Variants in BICD1 observed in about 807,000 individuals in gnomAD.
BICD1 encodes BICD cargo adaptor 1, also known as protein bicaudal D homolog 1.
In BICD1, 35 loss-of-function variants were observed where a neutral mutation model predicts 92.5. The observed-to-expected ratio is 0.38, with a 90% CI of 0.29 to 0.50. BICD1 has a LOEUF of 0.50. BICD1 is among the 20% of genes least tolerant of loss of function. BICD1 has a pLI of 0.93. For missense variants in BICD1, 950 were observed against 1,189.8 expected, an observed-to-expected ratio of 0.80 and a Z score of 2.97; for synonymous variants, 429 against 465.1, an observed-to-expected ratio of 0.92 and a Z score of 1.00.
chr12:32,133,207 G>T (rs1032879587), intron 1 of BICD1, among the ~76,000 whole-genome samples: 6 of 152,040 alleles, frequency 3.9e-5, no homozygotes, highest in South Asian at 2.1e-4. Context: ...GAGTCTCCTG[G>T]CCAGGCGGGG....
chr12:32,231,699 A>T (rs1010863651), intron 2 of BICD1, among the ~76,000 whole-genome samples: 20 of 151,274 alleles, frequency 1.3e-4, no homozygotes, highest in Non-Finnish European at 2.5e-4. Context: ...CTAACTCATC[A>T]TCTAGCATTA....
intron 2 of BICD1, among the ~76,000 whole-genome samples, chr12:32,228,306 G>A (rs151203985): frequency 1.3e-5 from 2 of 152,270 alleles, no homozygotes; most frequent in East Asian, 3.9e-4. Context: ...CCATTGACTT[G>A]CCTTTGCACT....
At chr12:32,164,271 T>A (rs1943687757) in intron 1 of BICD1, among the ~76,000 whole-genome samples, 1 of 152,228 alleles carries the variant, frequency 6.6e-6, no homozygotes, top group African/African-American at 2.4e-5. Flanking sequence ...ATAGAATGTA[T>A]CTTGTTTACC....
intron 2 of BICD1, among the ~76,000 whole-genome samples, chr12:32,271,733 C>T (rs958830650): frequency 6.6e-6 from 1 of 152,232 alleles, no homozygotes; most frequent in African/African-American, 2.4e-5. Context: ...GGGTGACCCT[C>T]CTCAAACTTT....
chr12:32,108,621 A>G (rs1941581106), intron 1 of BICD1: 2 of 681,892 alleles, frequency 2.9e-6, no homozygotes, highest in Non-Finnish European at 5.3e-6. Flanking sequence ...TCAAAAATCT[A>G]TTATTTATTT....
intron 3 of BICD1, among the ~76,000 whole-genome samples, chr12:32,296,256 G>GTTTTTTT (rs373796519): frequency 1.1e-5 from 1 of 90,194 alleles, no homozygotes; most frequent in African/African-American, 3.8e-5. Context: ...GTTTTTTTTT[G>GTTTTTTT]TTTTTTTTTT....
chr12:32,111,603 T>C (rs1941694829), intron 1 of BICD1, among the ~76,000 whole-genome samples: 1 of 152,038 alleles, frequency 6.6e-6, no homozygotes, highest in Non-Finnish European at 1.5e-5. Context: ...TTTTTATTTT[T>C]TTATTTTATT....
chr12:32,297,127 G>C (rs1947896803), intron 3 of BICD1, among the ~76,000 whole-genome samples: 1 of 152,180 alleles, frequency 6.6e-6, no homozygotes. Flanking sequence ...AAAATGCTGT[G>C]TTTGTTTCCA....
chr12:32,356,906 G>T (rs7399249), intron 8 of BICD1, among the ~76,000 whole-genome samples: 5,417 of 151,928 alleles, frequency 0.036, 297 homozygotes, highest in East Asian at 0.16. Flanking sequence ...TTCCACTCCC[G>T]TCAGTTTAGT....
chr12:32,258,586 G>C (rs1166724620), intron 2 of BICD1, among the ~76,000 whole-genome samples: 1 of 151,916 alleles, frequency 6.6e-6, no homozygotes, highest in East Asian at 1.9e-4. Flanking sequence ...TGGGCGTGCT[G>C]ATATTTATCG....
At chr12:32,148,200 G>C (rs1211309834) in intron 1 of BICD1, among the ~76,000 whole-genome samples, 1 of 151,354 alleles carries the variant, frequency 6.6e-6, no homozygotes, top group Non-Finnish European at 1.5e-5. Context: ...TGCTAAGCAG[G>C]GGTGGGCACC....
At position 32,163,193 on chromosome 12, in the gene BICD1, G is replaced by A. The variant is rs1004700632; in HGVS notation, c.214-53054G>A. ...ACCTAAGCAACCCCAAATTGAGAAC[G>A]ATTTTCATTATAATAGATTTTCATA... On this transcript the variant is annotated intron_variant, in intron 1 of 9. Transcript: ENST00000652176. Among the ~76,000 whole-genome samples, 37 of 151,874 alleles carry A rather than the reference G, an allele frequency of 2.4e-4. 1 individual carries two copies. The highest frequency in any genetic ancestry group is 1.2e-4 in the Non-Finnish European group (8 of 67,972).
chr12:32,346,532 ACGTG>A (rs1403222609), intron 8 of BICD1, among the ~76,000 whole-genome samples: 3 of 53,790 alleles, frequency 5.6e-5, no homozygotes, highest in Non-Finnish European at 1.2e-4. Context: ...ATATATATAT[ACGTG>A]TATATATATA....
chr12:32,216,648 C>T (rs994437333), intron 2 of BICD1, among the ~76,000 whole-genome samples, 189 bp downstream of exon 2: 4 of 152,162 alleles, frequency 2.6e-5, no homozygotes, highest in African/African-American at 9.7e-5. Flanking sequence ...ATGAGCTTTT[C>T]TCTCTTTTAT....
intron 2 of BICD1, among the ~76,000 whole-genome samples, chr12:32,274,044 G>C (rs183807277): frequency 5.3e-5 from 8 of 152,350 alleles, no homozygotes; most frequent in African/African-American, 1.7e-4. Flanking sequence ...TCCGGGACCA[G>C]CAGTCCAGTT....
At chr12:32,187,834 T>G (rs1240136885) in intron 1 of BICD1, among the ~76,000 whole-genome samples, 1 of 152,238 alleles carries the variant, frequency 6.6e-6, no homozygotes, top group Admixed American at 6.5e-5. Context: ...ACACAATATA[T>G]CCATCTAACA....
At chr12:32,294,485 G>A (rs1947808854) in intron 3 of BICD1, among the ~76,000 whole-genome samples, 1 of 152,032 alleles carries the variant, frequency 6.6e-6, no homozygotes, top group African/African-American at 2.4e-5. Flanking sequence ...GCCGGGCATG[G>A]TGGTGTGTTC....
chr12:32,337,665 A>G lies in BICD1; in HGVS notation c.2419A>G (p.Ser807Gly), dbSNP rs146453819. Residue 807 changes from serine (S) to glycine (G), a missense_variant, in exon 7 of 10, where the codon AGC becomes GGC. Coordinates refer to ENST00000652176, the MANE Select transcript of BICD1 (RefSeq NM_001714.4). The surrounding 1 kb of genome is among the most constrained non-coding windows in gnomAD (Gnocchi z 4.7). The stretch of plus-strand genomic sequence containing the variant: ...GTTTGACCATGAGCAGTCCCGACGC[A>G]GCAAAGGCAAACTTGGAAAGAGCAA... ...LEFDHEQSRR[S>G]KGKLGKSKIG... The G allele has an allele frequency of 9.9e-6, 16 of 1,614,222 alleles. No homozygotes were observed. The African/African-American group carries it at 1.7e-4, about 17-fold the overall frequency.
chr12:32,338,343 G>T, intron 7 of BICD1: 1 of 173,460 alleles, frequency 5.8e-6, no homozygotes, highest in Non-Finnish European at 1.2e-5. Flanking sequence ...AAAATGGGAT[G>T]GAATACGCAC....
Sources: gnomAD v4.1 joint callset for allele counts (sites outside exome capture counted in the v4.1 genomes callset) on GRCh38, gnomAD v4.1.1 for gene constraint, Gnocchi (gnomAD v3.1) non-coding constraint, MANE v1.5 for transcripts, NCBI Gene and HGNC (gene_info 2026-07-23, HGNC 2026-07-21) for gene names.